MMP20: variants seen among roughly 807,000 people sequenced by gnomAD.
The protein encoded by MMP20 is matrix metallopeptidase 20, also known as matrix metalloproteinase-20.
MMP20 carries 50 observed loss-of-function variants against 51.8 expected under a neutral mutation model. The observed-to-expected ratio is 0.97, with a 90% CI of 0.77 to 1.22. The LOEUF (loss-of-function observed/expected upper bound fraction) is 1.22. Ranked by LOEUF, MMP20 falls within the 50% of genes most tolerant of loss-of-function variation. The probability of loss-of-function intolerance (pLI) is 0.00; values close to 1 mark genes in which losing one functional copy is unlikely to be tolerated. For synonymous variants in MMP20, 244 were observed against 216.2 expected, an observed-to-expected ratio of 1.13 and a Z score of -1.13; for missense variants, 663 against 601.4, an observed-to-expected ratio of 1.10 and a Z score of -1.07.
rs1229341936 is a variant in MMP20 at position 102,608,914 on chromosome 11, A to G, written c.811+23T>C. 5 of 1,612,930 alleles carry G rather than the reference A, an allele frequency of 3.1e-6. No individual in the cohort carries two copies. The South Asian group carries it at 5.5e-5, about 18-fold the overall frequency. On this transcript the variant is annotated intron_variant, in intron 5 of 9. Coordinates refer to ENST00000260228, the MANE Select transcript of MMP20 (RefSeq NM_004771.4). ...ATGCCTGCCAATTTCAGGGTGAGTC[A>G]TCAAAGAAGGTAATAATCTTACCGT...
At chr11:102,580,088 C>T (rs185727627) in intron 8 of MMP20, among the ~76,000 whole-genome samples, 3 of 152,332 alleles carry the variant, frequency 2.0e-5, no homozygotes, top group East Asian at 3.9e-4. Context: ...AATTCCATTG[C>T]TTTTGTTTCC....
intron 8 of MMP20, chr11:102,583,456 T>A (rs1327555982): frequency 6.6e-6 from 1 of 152,320 alleles, no homozygotes; most frequent in East Asian, 1.9e-4. Context: ...GATACACAAA[T>A]ACTTACCATT....
At chr11:102,618,203 T>G (rs1859699783) in intron 1 of MMP20, among the ~76,000 whole-genome samples, 1 of 152,090 alleles carries the variant, frequency 6.6e-6, no homozygotes, top group African/African-American at 2.4e-5. Context: ...ACCGTCGATT[T>G]TTTCCTGAAT....
intron 6 of MMP20, chr11:102,605,226 G>A (rs1344751499): frequency 1.3e-5 from 2 of 152,140 alleles, no homozygotes; most frequent in African/African-American, 4.8e-5. Context: ...CAGGAAAAGA[G>A]GCCTTGGGGT....
chr11:102,615,152 G>T (rs1282940894), intron 2 of MMP20, among the ~76,000 whole-genome samples: 1 of 142,490 alleles, frequency 7.0e-6, no homozygotes, highest in African/African-American at 2.6e-5. Flanking sequence ...AATAAATAAC[G>T]TATTTTATTT....
chr11:102,599,721 A>T (rs559287849), intron 6 of MMP20, among the ~76,000 whole-genome samples: 3 of 152,340 alleles, frequency 2.0e-5, no homozygotes, highest in Non-Finnish European at 4.4e-5. Flanking sequence ...CTGTCATGTC[A>T]TTGGCTGAGA....
chr11:102,588,186 T>C (rs1181526175), intron 8 of MMP20, among the ~76,000 whole-genome samples: 1 of 152,136 alleles, frequency 6.6e-6, no homozygotes, highest in Non-Finnish European at 1.5e-5. Context: ...TTAAGACTTA[T>C]ACTAAATTAA....
rs1230723699 is a variant in MMP20, at chr11:102,593,625, C to T, written c.1091-30G>A. 3 of 1,612,984 alleles carry T rather than the reference C, an allele frequency of 1.9e-6. No individual in the cohort carries two copies. In the South Asian group the frequency reaches 3.3e-5, roughly 18 times the overall value. ...AAACAGAAATTAAAGTTTACGAAAA[C>T]TCTGCACCACTTGGTGATGCACTTC... On this transcript the variant is annotated intron_variant, in intron 7 of 9. Coordinates refer to ENST00000260228, the MANE Select transcript of MMP20 (RefSeq NM_004771.4).
At chr11:102,609,614 T>G (rs1046055694) in intron 4 of MMP20, among the ~76,000 whole-genome samples, 2 of 152,170 alleles carry the variant, frequency 1.3e-5, no homozygotes, top group Admixed American at 6.5e-5. Context: ...CAAGAATAAG[T>G]AAGAAATCAT....
intron 6 of MMP20, among the ~76,000 whole-genome samples, chr11:102,596,885 C>T (rs1859387331): frequency 6.6e-6 from 1 of 152,240 alleles, no homozygotes; most frequent in African/African-American, 2.4e-5. Flanking sequence ...CTCTCCACCA[C>T]CTCGTAATGA....
At chr11:102,598,454 G>A (rs573065879) in intron 6 of MMP20, among the ~76,000 whole-genome samples, 1 of 152,302 alleles carries the variant, frequency 6.6e-6, no homozygotes, top group African/African-American at 2.4e-5. Context: ...TTATCTTCAT[G>A]TACCCACTAT....
chr11:102,599,086 C>G (rs1194566729), intron 6 of MMP20, among the ~76,000 whole-genome samples: 1 of 150,624 alleles, frequency 6.6e-6, no homozygotes, highest in Non-Finnish European at 1.5e-5. Context: ...AATCTCAGCT[C>G]ACTGCAACCT....
chr11:102,599,935 C>A (rs538771335), intron 6 of MMP20, among the ~76,000 whole-genome samples: 1 of 152,300 alleles, frequency 6.6e-6, no homozygotes, highest in South Asian at 2.1e-4. Context: ...ATGTTTGTAC[C>A]CATCTGAAGA....
intron 7 of MMP20, 43 bp from the exon 8 acceptor site, chr11:102,593,638 G>C: frequency 1.9e-6 from 3 of 1,598,888 alleles, no homozygotes; most frequent in Non-Finnish European, 2.6e-6. Flanking sequence ...TGCACCACTT[G>C]GTGATGCACT....
intron 5 of MMP20, 97 bp downstream of exon 5, chr11:102,608,840 G>T: frequency 7.8e-7 from 1 of 1,284,428 alleles, no homozygotes; most frequent in Non-Finnish European, 1.1e-6. Context: ...TTTCTAGATT[G>T]ATCTTTACCA....
chr11:102,602,116 A>ATTTTTTTTT (rs10593493), intron 6 of MMP20, among the ~76,000 whole-genome samples: 186 of 109,666 alleles, frequency 1.7e-3, no homozygotes, highest in Non-Finnish European at 2.3e-3. Context: ...CGCCCGGCTA[A>ATTTTTTTTT]TTTTTTTTTT....
chr11:102,609,797 G>A, intron 4 of MMP20, 108 bp downstream of exon 4: 1 of 1,509,658 alleles, frequency 6.6e-7, no homozygotes, highest in African/African-American at 1.4e-5. Flanking sequence ...TTCCTAGCCA[G>A]CCCCCCTAGT....
At chr11:102,587,674 G>A (rs1196123832) in intron 8 of MMP20, among the ~76,000 whole-genome samples, 1 of 151,974 alleles carries the variant, frequency 6.6e-6, no homozygotes, top group African/African-American at 2.4e-5. Flanking sequence ...ATGGTATATT[G>A]ACTTTTTGTC....
chr11:102,602,189 CCA>C (rs1859457062), intron 6 of MMP20, among the ~76,000 whole-genome samples: 1 of 137,990 alleles, frequency 7.2e-6, no homozygotes, highest in African/African-American at 2.7e-5. Context: ...AGGATGGTCT[CCA>C]TCTCCTGACC....
Sources: gnomAD v4.1 joint callset for allele counts (sites outside exome capture counted in the v4.1 genomes callset) on GRCh38, gnomAD v4.1.1 for gene constraint, MANE v1.5 for transcripts, NCBI Gene and HGNC (gene_info 2026-07-23, HGNC 2026-07-21) for gene names.